Variants in GRM8 observed in about 807,000 individuals in gnomAD.
GRM8 encodes the protein glutamate metabotropic receptor 8.
In GRM8, 47 loss-of-function variants were observed where a neutral mutation model predicts 87.2. That is an observed-to-expected ratio of 0.54 (90% CI 0.43 to 0.69). The LOEUF (loss-of-function observed/expected upper bound fraction) is 0.69, where lower values mean the gene tolerates loss of function less well. GRM8 is among the 30% of genes least tolerant of loss of function. The pLI is 0.00. For missense variants in GRM8, 1,019 were observed against 1,139.2 expected (o/e 0.89, Z 1.52); for synonymous variants, 396 against 404.5 (o/e 0.98, Z 0.25).
chr7:126,937,491 T>C (rs1275075305), intron 3 of GRM8, among the ~76,000 whole-genome samples: 1 of 152,054 alleles, frequency 6.6e-6, no homozygotes, highest in Non-Finnish European at 1.5e-5. Context: ...AAGCAAGCTG[T>C]ACAAGGAGGG....
intron 6 of GRM8, among the ~76,000 whole-genome samples, chr7:126,878,235 C>CG (rs1271029142): frequency 2.6e-5 from 4 of 152,170 alleles, no homozygotes; most frequent in African/African-American, 9.7e-5. Context: ...TTACAATTCA[C>CG]AAAACTTGTT....
intron 9 of GRM8, among the ~76,000 whole-genome samples, chr7:126,528,740 G>A (rs762754500): frequency 2.0e-5 from 3 of 152,022 alleles, no homozygotes; most frequent in Non-Finnish European, 4.4e-5. Flanking sequence ...GGCTGGGGGT[G>A]ATGGCAGGGG....
intron 6 of GRM8, among the ~76,000 whole-genome samples, chr7:126,850,773 A>AT (rs1408918670): frequency 1.3e-5 from 2 of 152,092 alleles, no homozygotes; most frequent in Admixed American, 1.3e-4. Context: ...GTCTGTGTCT[A>AT]TTTTTTCTTG....
chr7:126,556,487 A>G (rs1793158473), intron 8 of GRM8, among the ~76,000 whole-genome samples: 1 of 152,058 alleles, frequency 6.6e-6, no homozygotes, highest in Non-Finnish European at 1.5e-5. Flanking sequence ...TCTCTACTAA[A>G]AATACAAAAA....
At chr7:127,213,310 T>C (rs1796332735) in intron 2 of GRM8, among the ~76,000 whole-genome samples, 1 of 152,234 alleles carries the variant, frequency 6.6e-6, no homozygotes. Context: ...ACTTGACATG[T>C]GGCTAGCCTA....
At chr7:126,725,267 T>C (rs763184232) in intron 7 of GRM8, among the ~76,000 whole-genome samples, 2 of 152,232 alleles carry the variant, frequency 1.3e-5, no homozygotes, top group Non-Finnish European at 1.5e-5. Context: ...GTGACGCATG[T>C]TTATTTCAAC....
chr7:127,220,558 C>T (rs1193316159), intron 2 of GRM8, among the ~76,000 whole-genome samples: 2 of 152,080 alleles, frequency 1.3e-5, no homozygotes, highest in Non-Finnish European at 2.9e-5. Flanking sequence ...AATCATGGCT[C>T]ACTATAGCCT....
At chr7:126,725,296 C>T (rs1563127553) in intron 7 of GRM8, among the ~76,000 whole-genome samples, 1 of 152,224 alleles carries the variant, frequency 6.6e-6, no homozygotes, top group Admixed American at 6.5e-5. Flanking sequence ...TCCCTCTTTA[C>T]AACTGAGCAA....
chr7:126,670,554 T>C (rs769835556), intron 7 of GRM8, among the ~76,000 whole-genome samples: 9 of 152,152 alleles, frequency 5.9e-5, no homozygotes, highest in Non-Finnish European at 1.3e-4. Flanking sequence ...CAGACGATTG[T>C]TGTCTTGTTT....
chr7:127,209,487 C>T (rs921411763), intron 2 of GRM8, among the ~76,000 whole-genome samples: 3 of 152,176 alleles, frequency 2.0e-5, no homozygotes, highest in Admixed American at 6.5e-5. Context: ...GACTTGCCAC[C>T]GCCCTCACTG....
intron 7 of GRM8, chr7:126,701,919 T>C (rs1342825712): frequency 7.1e-6 from 3 of 424,176 alleles, no homozygotes; most frequent in Non-Finnish European, 1.4e-5. Flanking sequence ...TCATGCCTTC[T>C]GTCTTAGTAT....
intron 2 of GRM8, among the ~76,000 whole-genome samples, chr7:127,183,352 C>T (rs950317485): frequency 6.6e-6 from 1 of 151,742 alleles, no homozygotes; most frequent in Non-Finnish European, 1.5e-5. Context: ...AGTATGTTTT[C>T]AGATCACAAC....
rs143936010 is a variant in GRM8, at chr7:126,874,386, G to A, written c.1156+28156C>T. Among the ~76,000 whole-genome samples, 6 of 152,098 alleles carry A rather than the reference G, an allele frequency of 3.9e-5. No individual in the cohort carries two copies. In the East Asian group the frequency reaches 5.8e-4, roughly 15 times the overall value. ...AGTCTACTAGCTTCATTTTACAAAC[G>A]AAGAGGCTCAGATCCTGACAGAAAC... On this transcript the variant is annotated intron_variant, in intron 6 of 10. Coordinates refer to ENST00000339582, the MANE Select transcript of GRM8 (RefSeq NM_000845.3).
chr7:127,241,182 G>C (rs894313267), intron 2 of GRM8, among the ~76,000 whole-genome samples: 1 of 152,064 alleles, frequency 6.6e-6, no homozygotes, highest in Admixed American at 6.5e-5. Flanking sequence ...TTCTAAACTA[G>C]GGAAATCCAT....
rs1804569996 is a variant in GRM8 at position 126,921,892 on chromosome 7, G to A, written c.728-17209C>T. ...ATGAACAAGACCCAGAATCCAAGTAGCAGGGAATTCACCACAGGAGAAGGA... is the reference window on the plus strand; with the variant it reads ...ATGAACAAGACCCAGAATCCAAGTAACAGGGAATTCACCACAGGAGAAGGA... On this transcript the variant is annotated intron_variant, in intron 3 of 10. Coordinates refer to ENST00000339582, the MANE Select transcript of GRM8 (RefSeq NM_000845.3). 2.0e-5 allele frequency among the ~76,000 whole-genome samples: 3 copies of A among 152,076 alleles called. No individual in the cohort carries two copies. The South Asian group carries it at 6.2e-4, about 31-fold the overall frequency.
intron 9 of GRM8, among the ~76,000 whole-genome samples, chr7:126,517,360 A>G (rs1292687874): frequency 1.3e-5 from 2 of 152,098 alleles, no homozygotes; most frequent in Admixed American, 1.3e-4. Context: ...CAGGAGTCTT[A>G]GTCAATACTC....
intron 6 of GRM8, among the ~76,000 whole-genome samples, chr7:126,806,812 C>T (rs561330233): frequency 2.0e-5 from 3 of 152,308 alleles, no homozygotes; most frequent in East Asian, 1.9e-4. Flanking sequence ...GCGGGGCTTG[C>T]GGAGCCCGCG....
At chr7:127,206,964 A>C (rs1053112101) in intron 2 of GRM8, among the ~76,000 whole-genome samples, 1 of 152,230 alleles carries the variant, frequency 6.6e-6, no homozygotes, top group Non-Finnish European at 1.5e-5. Flanking sequence ...GAAGCTAACC[A>C]GGAGATGAAA....
intron 2 of GRM8, among the ~76,000 whole-genome samples, chr7:127,197,422 C>T (rs1795344139): frequency 6.6e-6 from 1 of 152,146 alleles, no homozygotes; most frequent in South Asian, 2.1e-4. Flanking sequence ...AAGTTACTAT[C>T]TCTATGCACA....
Sources: allele counts gnomAD v4.1 joint callset (sites outside exome capture counted in the v4.1 genomes callset), GRCh38; gene constraint gnomAD v4.1.1; transcripts MANE v1.5; gene names NCBI Gene and HGNC (gene_info 2026-07-23, HGNC 2026-07-21).